HS3ST5: variants seen among roughly 807,000 people sequenced by gnomAD.
The protein encoded by HS3ST5 is heparan sulfate-glucosamine 3-sulfotransferase 5, also known as heparan sulfate glucosamine 3-O-sulfotransferase 5.
In HS3ST5, 10 loss-of-function variants were observed where a neutral mutation model predicts 25.4. That is an observed-to-expected ratio of 0.39 (90% CI 0.24 to 0.67). HS3ST5 has a LOEUF of 0.67. Among genes scored for constraint, HS3ST5 ranks in the 30% least tolerant of loss-of-function variants. HS3ST5 has a pLI of 0.44. For missense variants in HS3ST5, 324 were observed against 420.7 expected, an observed-to-expected ratio of 0.77 and a Z score of 2.01; for synonymous variants, 170 against 162.4, an observed-to-expected ratio of 1.05 and a Z score of -0.36.
intron 3 of HS3ST5, among the ~76,000 whole-genome samples, chr6:114,111,849 A>G (rs1028189298): frequency 1.3e-5 from 2 of 152,106 alleles, no homozygotes; most frequent in African/African-American, 2.4e-5. Context: ...CTGAAATCCT[A>G]TTTTGAAACC....
intron 3 of HS3ST5, among the ~76,000 whole-genome samples, chr6:114,103,858 T>G (rs1394506719): frequency 1.7e-4 from 3 of 17,502 alleles, no homozygotes; most frequent in African/African-American, 4.8e-4. Context: ...ACCTGGCTAA[T>G]TTTTTTTTTT....
At chr6:114,259,332 T>C (rs563918875) in intron 1 of HS3ST5, among the ~76,000 whole-genome samples, 7 of 152,340 alleles carry the variant, frequency 4.6e-5, no homozygotes, top group Middle Eastern at 6.8e-3. Context: ...TCTTCCTCTA[T>C]ATAATAAATT....
chr6:114,070,739 A>ATGTCACCTC lies in HS3ST5; in HGVS notation c.-32-7863_-32-7862insGAGGTGACA, dbSNP rs1299652858. Among the ~76,000 whole-genome samples, 7 of 152,076 alleles carry ATGTCACCTC rather than the reference A, an allele frequency of 4.6e-5. No homozygotes were observed. In the South Asian group the frequency reaches 1.2e-3, roughly 27 times the overall value. ...CCATCTGCCCCTCACCCTTGCCAAA[A>ATGTCACCTC]ACCTTGGAAGTTGTCATTCTTGGCT... On this transcript the variant is annotated intron_variant, in intron 3 of 4. Transcript: ENST00000312719.
At chr6:114,196,800 G>A (rs1395445170) in intron 2 of HS3ST5, among the ~76,000 whole-genome samples, 1 of 151,962 alleles carries the variant, frequency 6.6e-6, no homozygotes, top group Non-Finnish European at 1.5e-5. Flanking sequence ...ATGTAGTTTT[G>A]AAAGATTTTG....
At chr6:114,102,646 G>A (rs1404937292) in intron 3 of HS3ST5, among the ~76,000 whole-genome samples, 2 of 152,086 alleles carry the variant, frequency 1.3e-5, no homozygotes, top group African/African-American at 2.4e-5. Context: ...TTCCTTTTTT[G>A]AACGCTCAGT....
intron 1 of HS3ST5, among the ~76,000 whole-genome samples, chr6:114,319,829 G>A (rs1775889761): frequency 6.6e-6 from 1 of 152,024 alleles, no homozygotes; most frequent in African/African-American, 2.4e-5. Context: ...ATACATGTAT[G>A]AGTACGTCTT....
rs368794886 is a variant in HS3ST5, at chr6:114,224,782, G to A, written c.-145+3803C>T. 4.2e-4 allele frequency among the ~76,000 whole-genome samples: 64 copies of A among 151,212 alleles called. 1 individual carries two copies. The highest frequency in any genetic ancestry group is 1.5e-3 in the African/African-American group (61 of 41,318). On this transcript the variant is annotated intron_variant, in intron 2 of 4. Coordinates refer to ENST00000312719, the MANE Select transcript of HS3ST5 (RefSeq NM_153612.4). ...TAGTTGTTTTAGTTTTACATTGTCA[G>A]GACATTATACTTTTATGTTCTATTA...
intron 1 of HS3ST5, among the ~76,000 whole-genome samples, chr6:114,307,506 T>C (rs1015631116): frequency 2.6e-5 from 4 of 152,026 alleles, no homozygotes; most frequent in African/African-American, 4.8e-5. Flanking sequence ...AGGATAAAAA[T>C]TGAATTCCTT....
At chr6:114,288,769 T>C (rs1407915659) in intron 1 of HS3ST5, among the ~76,000 whole-genome samples, 2 of 152,056 alleles carry the variant, frequency 1.3e-5, no homozygotes. Flanking sequence ...CCAGAAATGA[T>C]TAGATGTTAG....
intron 3 of HS3ST5, among the ~76,000 whole-genome samples, chr6:114,081,570 G>A (rs1398955614): frequency 1.3e-5 from 2 of 152,154 alleles, no homozygotes; most frequent in East Asian, 1.9e-4. Context: ...ATATCATGCT[G>A]GGATGAGAAG....
At chr6:114,159,176 T>A (rs1519683) in intron 3 of HS3ST5, among the ~76,000 whole-genome samples, 1 of 152,274 alleles carries the variant, frequency 6.6e-6, no homozygotes, top group East Asian at 1.9e-4. Context: ...CATGAAAACT[T>A]GTTGGCCATA....
intron 3 of HS3ST5, among the ~76,000 whole-genome samples, chr6:114,135,585 T>G (rs1777554499): frequency 1.3e-5 from 2 of 152,216 alleles, no homozygotes. Context: ...CTGCTCACTC[T>G]GCATGTCACC....
chr6:114,095,017 G>T (rs1361187940), intron 3 of HS3ST5, among the ~76,000 whole-genome samples: 1 of 152,178 alleles, frequency 6.6e-6, no homozygotes, highest in East Asian at 1.9e-4. Flanking sequence ...TGAGAACCAA[G>T]CCGTAGGTGA....
chr6:114,164,948 C>T (rs1779136307), intron 3 of HS3ST5, among the ~76,000 whole-genome samples: 1 of 152,110 alleles, frequency 6.6e-6, no homozygotes, highest in Non-Finnish European at 1.5e-5. Context: ...AAGGTCAAAA[C>T]CAGTCATCAG....
intron 2 of HS3ST5, among the ~76,000 whole-genome samples, chr6:114,182,998 T>A (rs1780040462): frequency 6.6e-6 from 1 of 152,082 alleles, no homozygotes; most frequent in South Asian, 2.1e-4. Context: ...ATATTGTTCA[T>A]CTTCTACCCT....
chr6:114,143,696 C>G (rs1778015664), intron 3 of HS3ST5: 1 of 152,194 alleles, frequency 6.6e-6, no homozygotes, highest in Non-Finnish European at 1.5e-5. Context: ...ATAAGGACAG[C>G]TAGCTGCTTA....
intron 3 of HS3ST5, among the ~76,000 whole-genome samples, chr6:114,165,721 T>A (rs184590328): frequency 1.8e-4 from 28 of 152,276 alleles, no homozygotes; most frequent in Non-Finnish European, 1.2e-4. Context: ...ACATCATTGG[T>A]TTGGTCTTTG....
In HS3ST5 at chr6:114,196,877, G is replaced by GAA. The variant is rs11421025; in HGVS notation, c.-144-28417_-144-28416dup. ...TAAAGTCCAGGCAAGTTTGTAAATG[G>GAA]AAAAAAAAATAAACATTGGGTGAAA... is the stretch of plus-strand genomic sequence containing the variant. On this transcript the variant is annotated intron_variant, in intron 2 of 4. Transcript: ENST00000312719. 2.0e-4 allele frequency among the ~76,000 whole-genome samples: 30 copies of GAA among 151,018 alleles called. 1 individual carries two copies. Among genetic ancestry groups the GAA allele is most frequent in the African/African-American group, 3.6e-4 (15 of 41,242 alleles).
chr6:114,167,898 TTTGTTTGG>T (rs1401711377), intron 3 of HS3ST5, among the ~76,000 whole-genome samples: 3 of 151,958 alleles, frequency 2.0e-5, no homozygotes. Context: ...GACCTTTGAG[TTTGTTTGG>T]CGTTCGAGAG....
Sources: allele counts gnomAD v4.1 joint callset (sites outside exome capture counted in the v4.1 genomes callset), GRCh38; gene constraint gnomAD v4.1.1; transcripts MANE v1.5; gene names NCBI Gene and HGNC (gene_info 2026-07-23, HGNC 2026-07-21).